Variants in NHS observed in about 807,000 individuals in gnomAD.
The protein encoded by NHS is NHS actin remodeling regulator.
In NHS, 5 loss-of-function variants were observed where a neutral mutation model predicts 72.5. That is an observed-to-expected ratio of 0.07 (90% CI 0.04 to 0.14). The LOEUF (loss-of-function observed/expected upper bound fraction) is 0.14. Ranked by LOEUF, NHS falls within the 10% of genes least tolerant of loss-of-function variation. The probability of loss-of-function intolerance (pLI) is 1.00; values close to 1 mark genes in which losing one functional copy is unlikely to be tolerated. For synonymous variants in NHS, 464 were observed against 547.7 expected (o/e 0.85, Z 2.13); for missense variants, 1,072 against 1,355.7 (o/e 0.79, Z 3.29).
intron 1 of NHS, among the ~76,000 whole-genome samples, chrX:17,431,424 T>C (rs2064694400): frequency 1.8e-5 from 2 of 111,883 alleles, no homozygotes; most frequent in Non-Finnish European, 3.8e-5. Context: ...TAGGTTTATT[T>C]CCCCAAACAA....
intron 1 of NHS, among the ~76,000 whole-genome samples, chrX:17,404,825 C>G (rs762470831): frequency 9.1e-6 from 1 of 110,309 alleles, no homozygotes; most frequent in South Asian, 4.0e-4. Context: ...CTCTCTCTCT[C>G]TCTCTCCGTG....
chrX:17,396,454 TCTC>T (rs1385148509), intron 1 of NHS, among the ~76,000 whole-genome samples: 2 of 111,350 alleles, frequency 1.8e-5, no homozygotes, highest in African/African-American at 6.5e-5. Context: ...GATTTTATGA[TCTC>T]CTAATGAGCC....
chrX:17,468,543 T>G, intron 1 of NHS, among the ~76,000 whole-genome samples: 1 of 110,378 alleles, frequency 9.1e-6, no homozygotes, highest in Admixed American at 9.7e-5. Context: ...TTTTTTTAAA[T>G]GTTTATTTAT....
intron 1 of NHS, among the ~76,000 whole-genome samples, chrX:17,408,475 T>C (rs1212610563): frequency 9.0e-6 from 1 of 111,521 alleles, no homozygotes; most frequent in African/African-American, 3.3e-5. Flanking sequence ...TATGAGTTCT[T>C]TGGAGTCAGG....
chrX:17,598,696 A>G (rs185899573), intron 1 of NHS, among the ~76,000 whole-genome samples: 15 of 111,997 alleles, frequency 1.3e-4, no homozygotes, highest in African/African-American at 3.9e-4. Flanking sequence ...TTTAGAGTCT[A>G]TATTCACTGT....
chrX:17,682,158 G>A (rs915497469), intron 1 of NHS, among the ~76,000 whole-genome samples: 2 of 110,942 alleles, frequency 1.8e-5, no homozygotes, highest in African/African-American at 6.6e-5. Context: ...GGGCAGGCAG[G>A]AATAAATGGG....
At chrX:17,674,302 G>A (rs759420560) in intron 1 of NHS, among the ~76,000 whole-genome samples, 104 of 111,902 alleles carry the variant, frequency 9.3e-4, no homozygotes, top group African/African-American at 3.1e-3. Context: ...CAAACCAACC[G>A]GAGAAGAGAA....
rs375752910 is a variant in NHS at position 17,726,794 on chromosome X, C to T, written c.2688C>T (p.Asn896=). The T allele has an allele frequency of 8.0e-5, 97 of 1,210,214 alleles. No homozygotes were observed. The highest frequency in any genetic ancestry group is 1.0e-4 in the Non-Finnish European group (94 of 895,357). ...REMKLPLDFA[N]TPSRMENANL... ...TGAAGCTGCCTCTTGATTTCGCCAA[C>T]ACGCCTTCTCGAATGGAAAACGCCA... is the stretch of plus-strand genomic sequence containing the variant. Residue 896 remains asparagine, a synonymous_variant, in exon 7 of 9, where the codon AAC becomes AAT. Transcript: ENST00000676302.
rs1324254750 is a variant in NHS at position 17,615,149 on chromosome X, C to T, written c.566-72593C>T. Among the ~76,000 whole-genome samples, 7 of 72,371 alleles carry T rather than the reference C, an allele frequency of 9.7e-5. No individual in the cohort carries two copies. The East Asian group carries it at 1.4e-3, about 15-fold the overall frequency. 62.8% of individuals were successfully genotyped at this position (72,371 alleles called of 115,157 possible). A position where few individuals can be genotyped will look rare whatever the true frequency, so the allele number is the denominator to read the frequency against. ...ATATACATATGTGTGTATATATATACGTGTATATATACTATATATATACGT... is the reference window on the plus strand; with the variant it reads ...ATATACATATGTGTGTATATATATATGTGTATATATACTATATATATACGT... On this transcript the variant is annotated intron_variant, in intron 1 of 8. Coordinates refer to ENST00000676302, the MANE Select transcript of NHS (RefSeq NM_001291867.2).
chrX:17,496,541 C>G (rs1326149154), intron 1 of NHS, among the ~76,000 whole-genome samples: 1 of 110,918 alleles, frequency 9.0e-6, no homozygotes, highest in East Asian at 2.8e-4. Flanking sequence ...GACCAAAGCT[C>G]CAGTCATTCA....
intron 3 of NHS, among the ~76,000 whole-genome samples, chrX:17,703,330 G>A (rs915385770): frequency 3.6e-5 from 4 of 111,243 alleles, no homozygotes; most frequent in Admixed American, 1.9e-4. Flanking sequence ...TTGTGTGTCC[G>A]TTTTCCTTCT....
At chrX:17,394,362 T>C (rs775868321) in intron 1 of NHS, among the ~76,000 whole-genome samples, 54 of 112,146 alleles carry the variant, frequency 4.8e-4, no homozygotes, top group Admixed American at 1.3e-3. Flanking sequence ...CTTCAATTTT[T>C]TTCCCCTAAC....
At chrX:17,378,162 C>T (rs918426347) in intron 1 of NHS, among the ~76,000 whole-genome samples, 5 of 111,373 alleles carry the variant, frequency 4.5e-5, no homozygotes, top group African/African-American at 1.6e-4. Context: ...ACTTCTTTCT[C>T]TCTTTAGATG....
At chrX:17,481,774 G>C (rs2064946921) in intron 1 of NHS, among the ~76,000 whole-genome samples, 1 of 111,891 alleles carries the variant, frequency 8.9e-6, no homozygotes, top group Non-Finnish European at 1.9e-5. Context: ...AGGTTCTTCT[G>C]TGTCCCCATT....
intron 1 of NHS, among the ~76,000 whole-genome samples, chrX:17,382,010 T>C (rs974452281): frequency 8.9e-6 from 1 of 112,619 alleles, no homozygotes; most frequent in African/African-American, 3.2e-5. Flanking sequence ...CTCTAATGGC[T>C]TGTGAGACTG....
chrX:17,674,461 C>T (rs2066067926), intron 1 of NHS, among the ~76,000 whole-genome samples: 1 of 112,172 alleles, frequency 8.9e-6, no homozygotes. Flanking sequence ...TTTTGACCTA[C>T]AAAAATGTCA....
chrX:17,442,684 GC>G (rs756494200), intron 1 of NHS, among the ~76,000 whole-genome samples: 9 of 112,444 alleles, frequency 8.0e-5, no homozygotes, highest in African/African-American at 2.3e-4. Context: ...CCAGATTTAG[GC>G]CCAGATGCTC....
intron 1 of NHS, among the ~76,000 whole-genome samples, chrX:17,416,341 C>T (rs1166155237): frequency 8.9e-6 from 1 of 112,028 alleles, no homozygotes; most frequent in African/African-American, 3.2e-5. Flanking sequence ...CTTTACACTT[C>T]CCTGCTTCCC....
chrX:17,456,484 T>C (rs763793068), intron 1 of NHS, among the ~76,000 whole-genome samples: 15 of 112,170 alleles, frequency 1.3e-4, no homozygotes, highest in African/African-American at 4.5e-4. Context: ...ATCAATAAAC[T>C]ATAAAAACAA....
Sources: allele counts gnomAD v4.1 joint callset (sites outside exome capture counted in the v4.1 genomes callset), GRCh38; gene constraint gnomAD v4.1.1; transcripts MANE v1.5; gene names NCBI Gene and HGNC (gene_info 2026-07-23, HGNC 2026-07-21).